NELL2: variants seen among roughly 807,000 people sequenced by gnomAD.
NELL2 encodes the protein neural EGFL like 2, also known as protein kinase C-binding protein NELL2.
Under a neutral mutation model 109.6 loss-of-function variants are expected in NELL2, and 41 were observed. That is an observed-to-expected ratio of 0.37 (90% CI 0.29 to 0.49). The LOEUF (loss-of-function observed/expected upper bound fraction) is 0.49, where lower values mean the gene tolerates loss of function less well. NELL2 is among the 20% of genes least tolerant of loss of function. The pLI is 0.98. For missense variants in NELL2, 900 were observed against 1,008.3 expected (o/e 0.89, Z 1.45); for synonymous variants, 355 against 344.7 (o/e 1.03, Z -0.33).
chr12:44,564,706 A>G (rs571277123), intron 15 of NELL2, among the ~76,000 whole-genome samples: 42 of 152,352 alleles, frequency 2.8e-4, no homozygotes, highest in Middle Eastern at 6.8e-3. Flanking sequence ...TTATTATTTT[A>G]GATACAAGGA....
chr12:44,738,846 T>G (rs1156586138), intron 9 of NELL2, among the ~76,000 whole-genome samples: 2 of 152,162 alleles, frequency 1.3e-5, no homozygotes, highest in Non-Finnish European at 2.9e-5. Flanking sequence ...ATATGTGAGG[T>G]GACAAGTTAA....
intron 12 of NELL2, among the ~76,000 whole-genome samples, chr12:44,684,278 T>A (rs1322366469): frequency 6.6e-6 from 1 of 152,234 alleles, no homozygotes; most frequent in South Asian, 2.1e-4. Context: ...CCTTTAACAT[T>A]TTTTATTGCG....
At chr12:44,776,200 A>C in intron 7 of NELL2, 50 bp from the exon 8 acceptor site, 1 of 1,600,184 alleles carries the variant, frequency 6.2e-7, no homozygotes, top group Admixed American at 1.7e-5. Flanking sequence ...CCAGCAACAC[A>C]GAAATGTGAA....
chr12:44,686,321 T>A (rs1454403363), intron 12 of NELL2, among the ~76,000 whole-genome samples: 2 of 152,142 alleles, frequency 1.3e-5, no homozygotes, highest in Admixed American at 1.3e-4. Flanking sequence ...TTCTTCTAAA[T>A]TTTTTTCAAA....
At chr12:44,730,108 A>G (rs1280957210) in intron 9 of NELL2, among the ~76,000 whole-genome samples, 2 of 152,224 alleles carry the variant, frequency 1.3e-5, no homozygotes, top group African/African-American at 4.8e-5. Context: ...AATTATAAAT[A>G]TACCCAACAT....
At chr12:44,623,809 G>A (rs1024145712) in intron 13 of NELL2, among the ~76,000 whole-genome samples, 2 of 152,046 alleles carry the variant, frequency 1.3e-5, no homozygotes, top group African/African-American at 4.8e-5. Context: ...AACGTGACCC[G>A]AAGACCAGAA....
intron 2 of NELL2, among the ~76,000 whole-genome samples, chr12:44,819,184 T>C (rs1411051428): frequency 6.6e-6 from 1 of 152,144 alleles, no homozygotes; most frequent in Non-Finnish European, 1.5e-5. Flanking sequence ...GTTGAAAACA[T>C]GGTGAAGGAA....
At chr12:44,765,575 A>G (rs1307904975) in intron 9 of NELL2, among the ~76,000 whole-genome samples, 1 of 152,234 alleles carries the variant, frequency 6.6e-6, no homozygotes, top group Non-Finnish European at 1.5e-5. Flanking sequence ...GCTCTAGTAC[A>G]TAATATAGGT....
intron 13 of NELL2, among the ~76,000 whole-genome samples, chr12:44,631,529 A>G (rs1946457061): frequency 6.6e-6 from 1 of 152,036 alleles, no homozygotes; most frequent in Admixed American, 6.6e-5. Flanking sequence ...ACTGGGGTCT[A>G]CTAGGGTGGG....
intron 13 of NELL2, among the ~76,000 whole-genome samples, chr12:44,621,042 T>C (rs1404312201): frequency 6.6e-6 from 1 of 152,172 alleles, no homozygotes; most frequent in Non-Finnish European, 1.5e-5. Context: ...ATCATGGCCC[T>C]CTGCTTTTAC....
upstream of NELL2, among the ~76,000 whole-genome samples, chr12:44,878,797 C>T (rs1260057330): frequency 6.6e-6 from 1 of 152,154 alleles, no homozygotes; most frequent in Non-Finnish European, 1.5e-5. Context: ...CACTCAAACT[C>T]CTTTTAGACA....
At chr12:44,836,329 G>C (rs955219963) in intron 2 of NELL2, among the ~76,000 whole-genome samples, 1 of 152,188 alleles carries the variant, frequency 6.6e-6, no homozygotes, top group African/African-American at 2.4e-5. Flanking sequence ...ACTGGCTCCG[G>C]AACTGGGAAT....
chr12:44,834,631 T>C (rs1943995260), intron 2 of NELL2, among the ~76,000 whole-genome samples: 1 of 152,098 alleles, frequency 6.6e-6, no homozygotes, highest in Non-Finnish European at 1.5e-5. Flanking sequence ...GCCACTGCCC[T>C]GCAAGAGGTC....
intron 2 of NELL2, among the ~76,000 whole-genome samples, chr12:44,837,103 A>G (rs1944076304): frequency 6.6e-6 from 1 of 152,222 alleles, no homozygotes; most frequent in Admixed American, 6.5e-5. Context: ...TACTTGTTGA[A>G]TGAATAACAA....
chr12:44,695,247 C>A (rs568454308), intron 12 of NELL2, among the ~76,000 whole-genome samples: 5 of 147,960 alleles, frequency 3.4e-5, no homozygotes, highest in Non-Finnish European at 5.9e-5. Context: ...TGGCAATGAG[C>A]TGCTTTCTGG....
chr12:44,517,294 G>A (rs1941313800), intron 19 of NELL2, among the ~76,000 whole-genome samples: 1 of 151,568 alleles, frequency 6.6e-6, no homozygotes, highest in Non-Finnish European at 1.5e-5. Flanking sequence ...GAGGTCCACT[G>A]GCACAACTTC....
At chr12:44,813,084 G>A (rs1395857508) in intron 3 of NELL2, among the ~76,000 whole-genome samples, 1 of 152,108 alleles carries the variant, frequency 6.6e-6, no homozygotes, top group Non-Finnish European at 1.5e-5. Context: ...ATTTACAGAG[G>A]GGGACAATTG....
intron 16 of NELL2, among the ~76,000 whole-genome samples, chr12:44,530,546 T>C (rs1045211505): frequency 4.6e-5 from 7 of 152,182 alleles, no homozygotes; most frequent in African/African-American, 1.4e-4. Flanking sequence ...GAATGTGGGA[T>C]GTACTTATTG....
chr12:44,532,076 C>T (rs954421486), intron 16 of NELL2, among the ~76,000 whole-genome samples: 2 of 152,060 alleles, frequency 1.3e-5, no homozygotes, highest in Non-Finnish European at 2.9e-5. Context: ...AATCAGGGAC[C>T]ATATCTTATG....
Sources: allele counts gnomAD v4.1 joint callset (sites outside exome capture counted in the v4.1 genomes callset), GRCh38; gene constraint gnomAD v4.1.1; transcripts MANE v1.5; gene names NCBI Gene and HGNC (gene_info 2026-07-23, HGNC 2026-07-21).